Variants in FNIP2 observed in about 807,000 individuals in gnomAD.
The protein encoded by FNIP2 is folliculin interacting protein 2, also known as folliculin-interacting protein 2.
FNIP2 carries 32 observed loss-of-function variants against 108.7 expected under a neutral mutation model. The observed-to-expected ratio is 0.29, with a 90% confidence interval of 0.22 to 0.40. The LOEUF is 0.40. Ranked by LOEUF, FNIP2 falls within the 10% of genes least tolerant of loss-of-function variation. The pLI, the probability that FNIP2 is intolerant of heterozygous loss-of-function variation, is 1.00. For missense variants in FNIP2, 1,202 were observed against 1,381.6 expected (o/e 0.87, Z 2.06); for synonymous variants, 480 against 496.7 (o/e 0.97, Z 0.45).
chr4:158,829,292 G>T (rs955975964), intron 3 of FNIP2, 67 bp downstream of exon 3: 29 of 1,392,334 alleles, frequency 2.1e-5, no homozygotes, highest in Non-Finnish European at 2.6e-5. Context: ...TTCTCCTTGG[G>T]AAATAATGCC....
chr4:158,860,701 G>T (rs1002542079), intron 10 of FNIP2, among the ~76,000 whole-genome samples: 1 of 146,572 alleles, frequency 6.8e-6, no homozygotes, highest in Admixed American at 7.0e-5. Context: ...TCTGTCACCA[G>T]GATGGAGTGC....
chr4:158,882,462 G>A (rs1560829511), intron 14 of FNIP2, among the ~76,000 whole-genome samples: 1 of 152,154 alleles, frequency 6.6e-6, no homozygotes, highest in East Asian at 1.9e-4. Context: ...GGAGTGAGGA[G>A]CCCCTCTGCC....
intron 16 of FNIP2, among the ~76,000 whole-genome samples, chr4:158,896,394 T>C (rs1056315892): frequency 6.6e-6 from 1 of 152,092 alleles, no homozygotes; most frequent in Non-Finnish European, 1.5e-5. Context: ...ATGCCTATCA[T>C]CCTCCAGAGG....
At chr4:158,883,465 T>A (rs1781830666) in intron 14 of FNIP2, among the ~76,000 whole-genome samples, 1 of 152,158 alleles carries the variant, frequency 6.6e-6, no homozygotes, top group South Asian at 2.1e-4. Flanking sequence ...ATGGTCTCGA[T>A]CTCCTGACCT....
At chr4:158,901,041 C>G (rs555843757) in intron 16 of FNIP2, among the ~76,000 whole-genome samples, 1 of 151,732 alleles carries the variant, frequency 6.6e-6, no homozygotes, top group East Asian at 1.9e-4. Context: ...GTGACAGAAT[C>G]TCTCAGCATT....
chr4:158,872,310 G>C, intron 14 of FNIP2: 1 of 985,274 alleles, frequency 1.0e-6, no homozygotes, highest in Non-Finnish European at 1.2e-6. Context: ...TCTCATTTTT[G>C]TGTGTTAGAT....
chr4:158,893,545 C>T (rs938420766), intron 15 of FNIP2: 1 of 586,122 alleles, frequency 1.7e-6, no homozygotes, highest in Non-Finnish European at 3.0e-6. Flanking sequence ...TTTTTCCAAA[C>T]TGTTTATTTG....
At chr4:158,876,227 G>A (rs1025223235) in intron 14 of FNIP2, among the ~76,000 whole-genome samples, 1 of 152,110 alleles carries the variant, frequency 6.6e-6, no homozygotes, top group African/African-American at 2.4e-5. Context: ...TTCCCAAATG[G>A]CATCCCTGTG....
At chr4:158,776,666 CA>C (rs1360529977) in intron 1 of FNIP2, among the ~76,000 whole-genome samples, 1 of 152,122 alleles carries the variant, frequency 6.6e-6, no homozygotes, top group Non-Finnish European at 1.5e-5. Flanking sequence ...GTAAATGAAA[CA>C]AGAAAACGTA....
At chr4:158,831,511 A>G (rs1282459944) in intron 3 of FNIP2, among the ~76,000 whole-genome samples, 3 of 152,334 alleles carry the variant, frequency 2.0e-5, no homozygotes, top group East Asian at 1.9e-4. Context: ...CTTAGTACCA[A>G]GAGAAGAGTT....
intron 1 of FNIP2, among the ~76,000 whole-genome samples, chr4:158,780,265 A>G (rs1578815263): frequency 6.6e-6 from 1 of 152,224 alleles, no homozygotes; most frequent in East Asian, 1.9e-4. Flanking sequence ...CCACTTATTT[A>G]TGATTATAAA....
At chr4:158,896,669 C>T (rs1782703799) in intron 16 of FNIP2, among the ~76,000 whole-genome samples, 1 of 152,100 alleles carries the variant, frequency 6.6e-6, no homozygotes, top group South Asian at 2.1e-4. Context: ...TGTTGTTCGG[C>T]TCTTGGCATT....
intron 1 of FNIP2, among the ~76,000 whole-genome samples, chr4:158,825,527 C>G (rs550786535): frequency 6.6e-6 from 1 of 152,190 alleles, no homozygotes. Context: ...AACACAGAAG[C>G]CTTAACACTC....
intron 7 of FNIP2, among the ~76,000 whole-genome samples, chr4:158,838,973 G>A (rs1778966211): frequency 6.6e-6 from 1 of 152,182 alleles, no homozygotes; most frequent in South Asian, 2.1e-4. Flanking sequence ...TGGGTTTGGG[G>A]AAGGAAGATC....
intron 14 of FNIP2, chr4:158,872,845 C>A: frequency 1.3e-6 from 1 of 757,836 alleles, no homozygotes; most frequent in Non-Finnish European, 1.6e-6. Context: ...ATTTACTGCT[C>A]CATAAAGCCT....
Position 158,869,181 on chromosome 4 carries a change from G to T in FNIP2, c.2545G>T (p.Val849Leu). 1 of 1,614,074 alleles carries T rather than the reference G, an allele frequency of 6.2e-7. No homozygotes were observed. Residue 849 changes from valine (V) to leucine (L), a missense_variant, in exon 13 of 17, where the codon GTG becomes TTG. Val to Leu is a conservative substitution (Grantham distance 32, BLOSUM62 1). Coordinates refer to ENST00000264433, the MANE Select transcript of FNIP2 (RefSeq NM_020840.3). ...GTATGTGAAGGCTGCGGAAGGACCT[G>T]TGCTGGAGCCTGTTGCCCCCAGGTG... ...GLYVKAAEGP[V>L]LEPVAPRCVQ...
At chr4:158,856,354 G>A (rs776512565) in intron 8 of FNIP2, among the ~76,000 whole-genome samples, 1 of 152,158 alleles carries the variant, frequency 6.6e-6, no homozygotes, top group Admixed American at 6.5e-5. Flanking sequence ...CCTGATACCA[G>A]TGATAGATTA....
chr4:158,901,950 G>C (rs1435922839), intron 16 of FNIP2, among the ~76,000 whole-genome samples: 1 of 151,902 alleles, frequency 6.6e-6, no homozygotes, highest in South Asian at 2.1e-4. Context: ...TTAGCTCAGA[G>C]GAGTTTGTTA....
intron 7 of FNIP2, among the ~76,000 whole-genome samples, chr4:158,844,735 T>G (rs1779305559): frequency 6.6e-6 from 1 of 152,248 alleles, no homozygotes; most frequent in African/African-American, 2.4e-5. Flanking sequence ...CTTCAGGGCC[T>G]TATTTGGTCA....
Sources: allele counts gnomAD v4.1 joint callset (sites outside exome capture counted in the v4.1 genomes callset), GRCh38; gene constraint gnomAD v4.1.1; transcripts MANE v1.5; gene names NCBI Gene and HGNC (gene_info 2026-07-23, HGNC 2026-07-21).